The following ABI3BP variants were observed in gnomAD, a reference collection of about 807,000 sequenced individuals.
ABI3BP encodes ABI family member 3 binding protein.
ABI3BP carries 216 observed loss-of-function variants against 268.6 expected under a neutral mutation model. The observed-to-expected ratio is 0.80, with a 90% CI of 0.72 to 0.90. ABI3BP has a LOEUF of 0.90. Ranked by LOEUF, ABI3BP falls within the 40% of genes least tolerant of loss-of-function variation. The pLI is 0.00. For missense variants in ABI3BP, 2,090 were observed against 2,182.4 expected, an observed-to-expected ratio of 0.96 and a Z score of 0.84; for synonymous variants, 730 against 730.0, an observed-to-expected ratio of 1.00 and a Z score of 0.00.
At chr3:100,827,997 G>A (rs546953264) in intron 34 of ABI3BP, among the ~76,000 whole-genome samples, 5 of 152,018 alleles carry the variant, frequency 3.3e-5, no homozygotes, top group South Asian at 2.1e-4. Context: ...TTTGGGAATG[G>A]CTGCAAGTGG....
chr3:100,838,239 G>C lies in ABI3BP; in HGVS notation c.2054C>G (p.Ala685Gly), dbSNP rs759103447. 1.3e-6 allele frequency: 2 copies of C among 1,536,490 alleles called. No individual in the cohort carries two copies. The highest frequency in any genetic ancestry group is 2.4e-5 in the South Asian group (2 of 84,060). ...TTTAGTTGGTGGCATGTCTGGTTCT[G>C]CTGTGGTTTGGGGTTTAGGAAGTAA... ...KQLLPKPQTT[A>G]EPDMPPTKSV... The change falls in exon 26 of 68, where the codon GCA (alanine) becomes GGA (glycine). Residue 685 changes from alanine (A) to glycine (G), a missense_variant. Physicochemically the swap from Ala to Gly is moderately conservative, Grantham distance 60. Coordinates refer to ENST00000471714, the MANE Select transcript of ABI3BP (RefSeq NM_001375547.2).
chr3:100,967,718 CAACT>C (rs1296321047), intron 1 of ABI3BP, among the ~76,000 whole-genome samples: 1 of 152,080 alleles, frequency 6.6e-6, no homozygotes, highest in African/African-American at 2.4e-5. Context: ...AGAATAATTA[CAACT>C]AACTTGACCT....
intron 9 of ABI3BP, among the ~76,000 whole-genome samples, chr3:100,872,785 A>C (rs1417535834): frequency 6.6e-6 from 1 of 152,182 alleles, no homozygotes; most frequent in Non-Finnish European, 1.5e-5. Context: ...AGGGTTTTAT[A>C]GTTAAAGGGA....
At chr3:100,911,270 T>C (rs962092282) in intron 2 of ABI3BP, 1 of 313,222 alleles carries the variant, frequency 3.2e-6, no homozygotes, top group African/African-American at 2.2e-5. Flanking sequence ...TTACAGCTTT[T>C]AGAAACATGT....
intron 34 of ABI3BP, among the ~76,000 whole-genome samples, chr3:100,826,887 G>GA (rs2098396971): frequency 6.6e-6 from 1 of 152,078 alleles, no homozygotes; most frequent in Non-Finnish European, 1.5e-5. Flanking sequence ...AGACATTCAA[G>GA]CCCTCCGTCC....
chr3:100,844,486 G>A, intron 20 of ABI3BP: 1 of 983,512 alleles, frequency 1.0e-6, no homozygotes, highest in Non-Finnish European at 1.2e-6. Flanking sequence ...AGCCTGTAAA[G>A]GAAAGTGAAA....
At chr3:100,758,106 AAAC>A (rs1366070197) in intron 63 of ABI3BP, among the ~76,000 whole-genome samples, 1 of 150,332 alleles carries the variant, frequency 6.7e-6, no homozygotes, top group African/African-American at 2.5e-5. Flanking sequence ...AAAAACAAAC[AAAC>A]AAAAAAAAAA....
chr3:100,767,694 TTAA>T (rs926934468), intron 62 of ABI3BP, among the ~76,000 whole-genome samples: 19 of 152,098 alleles, frequency 1.2e-4, no homozygotes, highest in African/African-American at 4.3e-4. Context: ...CCGTGGAAGG[TTAA>T]TAATATCTCT....
chr3:100,949,227 T>G (rs1189439577), intron 1 of ABI3BP, among the ~76,000 whole-genome samples: 3 of 152,146 alleles, frequency 2.0e-5, no homozygotes, highest in Admixed American at 2.0e-4. Flanking sequence ...AGTTTAACGA[T>G]CATCTCAATA....
chr3:100,953,719 T>C (rs2075902419), intron 1 of ABI3BP, among the ~76,000 whole-genome samples: 2 of 152,148 alleles, frequency 1.3e-5, no homozygotes, highest in Non-Finnish European at 2.9e-5. Flanking sequence ...TATTATTCTC[T>C]AGGCAAAGGT....
At chr3:100,867,678 C>A (rs76571208) in intron 9 of ABI3BP, among the ~76,000 whole-genome samples, 5,024 of 141,396 alleles carry the variant, frequency 0.036, 280 homozygotes, top group East Asian at 0.15. Flanking sequence ...TTCCGTTATT[C>A]TACATGGTAA....
At chr3:100,850,764 A>C in intron 15 of ABI3BP, 30 bp from the exon 16 acceptor site, 1 of 1,511,782 alleles carries the variant, frequency 6.6e-7, no homozygotes, top group African/African-American at 1.4e-5. Context: ...CATTTGTAAA[A>C]GCAGTAGAAG....
chr3:100,897,382 C>A (rs1397608838), intron 4 of ABI3BP, among the ~76,000 whole-genome samples: 1 of 151,716 alleles, frequency 6.6e-6, no homozygotes, highest in Non-Finnish European at 1.5e-5. Flanking sequence ...AATGTTTATA[C>A]AGTCTGTATT....
chr3:100,790,591 A>G (rs2097172500), intron 55 of ABI3BP, among the ~76,000 whole-genome samples: 1 of 152,012 alleles, frequency 6.6e-6, no homozygotes, highest in Non-Finnish European at 1.5e-5. Context: ...GCCATACTTC[A>G]AACCAACAAC....
At chr3:100,835,375 A>G (rs1004142684) in intron 28 of ABI3BP, among the ~76,000 whole-genome samples, 23 of 152,224 alleles carry the variant, frequency 1.5e-4, no homozygotes, top group African/African-American at 5.1e-4. Context: ...GCTGGATAAT[A>G]TGGGAAAAAT....
In ABI3BP at chr3:100,824,909, G is replaced by T. The variant is rs976888062; in HGVS notation, c.2695C>A (p.Arg899Ser). The T allele has an allele frequency of 3.9e-6, 6 of 1,536,096 alleles. No homozygotes were observed. Among genetic ancestry groups the T allele is most frequent in the Non-Finnish European group, 5.2e-6 (6 of 1,146,682 alleles). Residue 899 changes from arginine (R) to serine (S), a missense_variant, in exon 36 of 68, where the codon CGT (arginine) becomes AGT (serine). Coordinates refer to ENST00000471714, the MANE Select transcript of ABI3BP (RefSeq NM_001375547.2). ...CTCGGTGTAGTTTTAGGTCTGGGAC[G>T]TGGAGGGCGGGTTCTTTTTGATGTT... is the stretch of plus-strand genomic sequence containing the variant. ...TKTSKRTRPP[R>S]PRPKTTPSPQ...
chr3:100,772,681 AG>A (rs1263303876), intron 61 of ABI3BP, among the ~76,000 whole-genome samples: 1 of 152,248 alleles, frequency 6.6e-6, no homozygotes, highest in Non-Finnish European at 1.5e-5. Flanking sequence ...AGAGGAAAAA[AG>A]GGAACAAAGA....
intron 50 of ABI3BP, among the ~76,000 whole-genome samples, chr3:100,806,314 A>G (rs2097704990): frequency 6.6e-6 from 1 of 152,112 alleles, no homozygotes; most frequent in African/African-American, 2.4e-5. Context: ...TTGTATTGGT[A>G]TCATGCATAT....
At chr3:100,990,634 T>G (rs2092764440) in intron 1 of ABI3BP, among the ~76,000 whole-genome samples, 1 of 150,254 alleles carries the variant, frequency 6.7e-6, no homozygotes. Flanking sequence ...AGATATGTTC[T>G]TAGGAAGAAA....
Sources: allele counts gnomAD v4.1 joint callset (sites outside exome capture counted in the v4.1 genomes callset), GRCh38; gene constraint gnomAD v4.1.1; transcripts MANE v1.5; gene names NCBI Gene and HGNC (gene_info 2026-07-23, HGNC 2026-07-21).